The following ARHGAP26 variants were observed in gnomAD, a reference collection of about 807,000 sequenced individuals.
The protein encoded by ARHGAP26 is Rho GTPase activating protein 26.
ARHGAP26 carries 38 observed loss-of-function variants against 104.8 expected under a neutral mutation model. The ratio of observed to expected loss-of-function variants is 0.36; its 90% CI spans 0.28 to 0.48. The LOEUF (loss-of-function observed/expected upper bound fraction) is 0.48. Among genes scored for constraint, ARHGAP26 ranks in the 20% least tolerant of loss-of-function variants. The probability of loss-of-function intolerance (pLI) is 0.99; values close to 1 mark genes in which losing one functional copy is unlikely to be tolerated. For synonymous variants in ARHGAP26, 341 were observed against 340.0 expected (o/e 1.00, Z -0.03); for missense variants, 704 against 947.9 (o/e 0.74, Z 3.38).
At chr5:142,933,127 C>G (rs1764947865) in intron 11 of ARHGAP26, among the ~76,000 whole-genome samples, 2 of 152,038 alleles carry the variant, frequency 1.3e-5, no homozygotes, top group South Asian at 4.1e-4. Context: ...ACGTTGTTAC[C>G]CATAGGAACC....
intron 11 of ARHGAP26, among the ~76,000 whole-genome samples, chr5:142,934,102 C>T (rs1171595352): frequency 6.6e-6 from 1 of 152,148 alleles, no homozygotes; most frequent in Non-Finnish European, 1.5e-5. Flanking sequence ...TACTGTCTCT[C>T]CCCCTGCCTC....
chr5:143,173,771 G>T (rs976134309), intron 20 of ARHGAP26, among the ~76,000 whole-genome samples: 4 of 152,158 alleles, frequency 2.6e-5, no homozygotes, highest in Non-Finnish European at 5.9e-5. Flanking sequence ...TAGAATTGGA[G>T]TTCTGAGTCA....
chr5:142,785,354 G>T (rs142867006), intron 1 of ARHGAP26, among the ~76,000 whole-genome samples: 1 of 152,306 alleles, frequency 6.6e-6, no homozygotes, highest in African/African-American at 2.4e-5. Context: ...AGGATGTTCC[G>T]ACCTGGCACT....
chr5:143,196,476 C>T (rs1396275658), intron 20 of ARHGAP26, among the ~76,000 whole-genome samples: 3 of 152,160 alleles, frequency 2.0e-5, no homozygotes, highest in Admixed American at 6.5e-5. Flanking sequence ...ATCACCTGAT[C>T]AGTACACCAC....
At chr5:142,969,733 C>T (rs1771952148) in intron 11 of ARHGAP26, among the ~76,000 whole-genome samples, 1 of 152,152 alleles carries the variant, frequency 6.6e-6, no homozygotes, top group African/African-American at 2.4e-5. Context: ...GCTGTGGGTC[C>T]TCTGCTTAGA....
chr5:142,951,391 G>A (rs1244629080), intron 11 of ARHGAP26, among the ~76,000 whole-genome samples: 4 of 152,120 alleles, frequency 2.6e-5, no homozygotes, highest in African/African-American at 9.7e-5. Context: ...GTTGTTTTAG[G>A]GACCTTTAAG....
At chr5:142,884,345 GATAGAA>G (rs981939659) in intron 4 of ARHGAP26, among the ~76,000 whole-genome samples, 7 of 152,216 alleles carry the variant, frequency 4.6e-5, no homozygotes, top group African/African-American at 1.4e-4. Flanking sequence ...TCAAATGGGA[GATAGAA>G]ATAGAACCAC....
chr5:142,772,232 A>G (rs879696375), intron 1 of ARHGAP26, among the ~76,000 whole-genome samples: 7 of 152,340 alleles, frequency 4.6e-5, no homozygotes, highest in East Asian at 1.9e-4. Flanking sequence ...CAAAGTGCCA[A>G]TCTTTTGGGA....
chr5:142,910,880 G>C (rs1400365836), intron 9 of ARHGAP26, among the ~76,000 whole-genome samples: 2 of 152,214 alleles, frequency 1.3e-5, no homozygotes, highest in African/African-American at 2.4e-5. Flanking sequence ...TGTTTGAACA[G>C]AGCTCTCCTA....
intron 11 of ARHGAP26, among the ~76,000 whole-genome samples, chr5:142,997,350 C>G (rs1458769942): frequency 2.0e-5 from 3 of 152,076 alleles, no homozygotes; most frequent in Non-Finnish European, 4.4e-5. Flanking sequence ...TGCACAGGCC[C>G]TACTCTACCT....
intron 17 of ARHGAP26, among the ~76,000 whole-genome samples, chr5:143,097,351 C>CA (rs1491357225): frequency 3.9e-4 from 9 of 22,854 alleles, no homozygotes; most frequent in Admixed American, 1.2e-3. Context: ...GACTCCGTCT[C>CA]AAAAAAAAGA....
chr5:142,771,931 A>T (rs1755289927), intron 1 of ARHGAP26, among the ~76,000 whole-genome samples: 1 of 152,206 alleles, frequency 6.6e-6, no homozygotes, highest in African/African-American at 2.4e-5. Context: ...CAGTCTCCCC[A>T]TTTAAAAATA....
At chr5:142,875,533 T>C (rs891921545) in intron 3 of ARHGAP26, among the ~76,000 whole-genome samples, 4 of 152,182 alleles carry the variant, frequency 2.6e-5, no homozygotes, top group African/African-American at 9.7e-5. Flanking sequence ...CCCCATCTTA[T>C]TGAACCTGAT....
chr5:142,823,476 C>T (rs376013019), intron 1 of ARHGAP26, among the ~76,000 whole-genome samples: 31 of 152,150 alleles, frequency 2.0e-4, no homozygotes, highest in Middle Eastern at 3.4e-3. Context: ...CATTGTCCAC[C>T]CTAAAGCCTG....
intron 11 of ARHGAP26, among the ~76,000 whole-genome samples, chr5:142,974,569 AT>A (rs1772774129): frequency 6.6e-6 from 1 of 152,210 alleles, no homozygotes; most frequent in Non-Finnish European, 1.5e-5. Context: ...TTTTCTGAAC[AT>A]TAACTCATGT....
At chr5:142,894,371 A>T in intron 6 of ARHGAP26, 23 bp downstream of exon 6, 1 of 1,591,778 alleles carries the variant, frequency 6.3e-7, no homozygotes, top group South Asian at 1.1e-5. Context: ...TCAGGGTTTA[A>T]TGATGTACCC....
At chr5:142,948,393 G>A (rs1043223744) in intron 11 of ARHGAP26, among the ~76,000 whole-genome samples, 1 of 141,710 alleles carries the variant, frequency 7.1e-6, no homozygotes, top group African/African-American at 2.7e-5. Flanking sequence ...ATGACTATAC[G>A]TACTTGTGTG....
chr5:143,090,161 G>A (rs962848874), intron 17 of ARHGAP26, among the ~76,000 whole-genome samples: 2 of 152,260 alleles, frequency 1.3e-5, no homozygotes, highest in Non-Finnish European at 1.5e-5. Flanking sequence ...GACCCGCAGG[G>A]TGCCGGACTT....
intron 1 of ARHGAP26, among the ~76,000 whole-genome samples, chr5:142,851,925 A>C (rs771747316): frequency 1.1e-4 from 17 of 152,128 alleles, no homozygotes; most frequent in Non-Finnish European, 1.9e-4. Context: ...GAGTCTGGCT[A>C]TTTCCAGGGT....
Sources: allele counts gnomAD v4.1 joint callset (sites outside exome capture counted in the v4.1 genomes callset), GRCh38; gene constraint gnomAD v4.1.1; transcripts MANE v1.5; gene names NCBI Gene and HGNC (gene_info 2026-07-23, HGNC 2026-07-21).